IFNAR2: variants seen among roughly 807,000 people sequenced by gnomAD.
IFNAR2 encodes interferon alpha and beta receptor subunit 2.
IFNAR2 carries 30 observed loss-of-function variants against 49.4 expected under a neutral mutation model. The ratio of observed to expected loss-of-function variants is 0.61; its 90% CI spans 0.45 to 0.82. The LOEUF (loss-of-function observed/expected upper bound fraction) is 0.82, where lower values mean the gene tolerates loss of function less well. IFNAR2 is among the 40% of genes least tolerant of loss of function. The probability of loss-of-function intolerance (pLI) is 0.00; values close to 1 mark genes in which losing one functional copy is unlikely to be tolerated. For synonymous variants in IFNAR2, 224 were observed against 234.5 expected (o/e 0.96, Z 0.41); for missense variants, 600 against 622.7 (o/e 0.96, Z 0.39).
At chr21:33,254,427 T>C (rs1988072903) in intron 7 of IFNAR2, among the ~76,000 whole-genome samples, 2 of 152,194 alleles carry the variant, frequency 1.3e-5, no homozygotes, top group Admixed American at 1.3e-4. Context: ...TATTTTGAAA[T>C]GGCCCTGCAA....
chr21:33,232,401 A>G (rs1298384688), intron 1 of IFNAR2, among the ~76,000 whole-genome samples: 1 of 152,166 alleles, frequency 6.6e-6, no homozygotes, highest in Non-Finnish European at 1.5e-5. Context: ...AGAGGTATGT[A>G]TGATGGGGAG....
At chr21:33,253,315 T>C (rs959593889) in intron 7 of IFNAR2, among the ~76,000 whole-genome samples, 2 of 152,238 alleles carry the variant, frequency 1.3e-5, no homozygotes, top group Admixed American at 6.5e-5. Flanking sequence ...TGATGAAGGC[T>C]GAACACCTTT....
At chr21:33,243,876 T>A (rs757542434) in intron 3 of IFNAR2, among the ~76,000 whole-genome samples, 162 bp downstream of exon 3, 4 of 152,098 alleles carry the variant, frequency 2.6e-5, no homozygotes, top group Non-Finnish European at 4.4e-5. Flanking sequence ...ATGAGCTAAC[T>A]CTGGTTTTTT....
chr21:33,249,964 G>A (rs145388591), intron 6 of IFNAR2, among the ~76,000 whole-genome samples: 61 of 152,186 alleles, frequency 4.0e-4, no homozygotes, highest in Admixed American at 9.8e-4. Flanking sequence ...GAGTTTGTGG[G>A]TCTGGGTCTT....
intron 8 of IFNAR2, among the ~76,000 whole-genome samples, chr21:33,262,232 G>A (rs112558959): frequency 3.3e-5 from 5 of 152,022 alleles, no homozygotes; most frequent in South Asian, 2.1e-4. Flanking sequence ...GGGCATAGTG[G>A]CGGGCGCCTG....
At chr21:33,242,061 C>A in intron 2 of IFNAR2, 84 bp downstream of exon 2, 1 of 1,336,066 alleles carries the variant, frequency 7.5e-7, no homozygotes, top group Non-Finnish European at 1.0e-6. Flanking sequence ...AAGTCGCAAA[C>A]TCATTTCCCT....
At chr21:33,261,961 G>A (rs1282708318) in intron 8 of IFNAR2, among the ~76,000 whole-genome samples, 1 of 152,146 alleles carries the variant, frequency 6.6e-6, no homozygotes, top group Non-Finnish European at 1.5e-5. Context: ...TAGTCTATGT[G>A]GCCAGCAGCC....
chr21:33,257,469 T>A (rs1403479061), intron 7 of IFNAR2, among the ~76,000 whole-genome samples: 1 of 152,330 alleles, frequency 6.6e-6, no homozygotes, highest in East Asian at 1.9e-4. Flanking sequence ...CTTCCCGTGT[T>A]CGTTTCTGTC....
rs1294079652 is a variant in IFNAR2, at chr21:33,263,776, A to C, written c.*276A>C. 1.2e-5 allele frequency: 5 copies of C among 406,944 alleles called. No homozygotes were observed. The Admixed American group carries it at 2.1e-4, about 17-fold the overall frequency. The allele number at this position is 406,944 out of a possible 1,614,324, so 25.2% of individuals were successfully genotyped here. ...ACTAATGCACTTAGGATGTTTCTGC[A>C]TCATGTCTACCAGGGAGCAGGGTTC... On this transcript the variant is annotated 3_prime_UTR_variant, in exon 9 of 9. Transcript: ENST00000342136.
chr21:33,240,197 A>T (rs1176124559), intron 1 of IFNAR2, among the ~76,000 whole-genome samples: 1 of 152,212 alleles, frequency 6.6e-6, no homozygotes, highest in Non-Finnish European at 1.5e-5. Context: ...GCAAAGATGG[A>T]CCTTTTATAT....
At chr21:33,255,692 G>A (rs1208283837) in intron 7 of IFNAR2, among the ~76,000 whole-genome samples, 1 of 152,178 alleles carries the variant, frequency 6.6e-6, no homozygotes, top group African/African-American at 2.4e-5. Flanking sequence ...CATTATGTAT[G>A]TGTGATTGAT....
intron 7 of IFNAR2, among the ~76,000 whole-genome samples, chr21:33,256,659 T>A (rs1988227215): frequency 6.6e-6 from 1 of 152,214 alleles, no homozygotes; most frequent in Non-Finnish European, 1.5e-5. Context: ...TTATTAATAT[T>A]AAGGCCCTAA....
In IFNAR2 at chr21:33,262,960, C is replaced by G; in HGVS notation, c.1008C>G (p.Gly336=). ...TEAAPRTSGG[G]YTMHGLTVRP... ...CAGCGCCCAGGACAAGTGGCGGTGG[C>G]TATACCATGCATGGACTGACTGTCA... Residue 336 remains glycine (G), a synonymous_variant, in exon 9 of 9, where the codon GGC becomes GGG. Transcript: ENST00000342136. 6 of 1,614,162 alleles carry G rather than the reference C, an allele frequency of 3.7e-6. No homozygotes were observed. Among genetic ancestry groups the G allele is most frequent in the Non-Finnish European group, 5.1e-6 (6 of 1,180,012 alleles).
chr21:33,254,710 C>G (rs532188052), intron 7 of IFNAR2, among the ~76,000 whole-genome samples: 4 of 152,278 alleles, frequency 2.6e-5, no homozygotes, highest in African/African-American at 9.6e-5. Flanking sequence ...TACCTATGAC[C>G]TGGAAGCCCC....
In IFNAR2 at chr21:33,263,198, G is replaced by A. The variant is rs774460880; in HGVS notation, c.1246G>A (p.Gly416Arg). The change falls in exon 9 of 9, where the codon GGG becomes AGG. Residue 416 changes from glycine to arginine, a missense_variant. Gly to Arg is a moderately radical substitution (Grantham distance 125). Transcript: ENST00000342136. Reference protein sequence around the residue: ...FPEEDYSSTEGSGGRITFNVD... With the variant: ...FPEEDYSSTERSGGRITFNVD... ...CGAAGAGGACTACAGCTCCACGGAG[G>A]GGTCTGGGGGCAGAATTACCTTCAA... 1 of 1,614,208 alleles carries A rather than the reference G, an allele frequency of 6.2e-7. No homozygotes were observed. The highest frequency in any genetic ancestry group is 8.5e-7 in the Non-Finnish European group (1 of 1,180,036).
intron 4 of IFNAR2, 99 bp from the exon 5 acceptor site, chr21:33,246,619 G>A (rs964821249): frequency 2.4e-6 from 2 of 817,274 alleles, no homozygotes; most frequent in African/African-American, 3.4e-5. Flanking sequence ...TGATATTTGG[G>A]CAGAGCCCTA....
chr21:33,231,786 G>C, intron 1 of IFNAR2: 1 of 633,872 alleles, frequency 1.6e-6, no homozygotes, highest in Non-Finnish European at 2.0e-6. Context: ...CTGTCGCGCA[G>C]GCTGGAGTGC....
At chr21:33,233,443 C>G (rs1409199175) in intron 1 of IFNAR2, among the ~76,000 whole-genome samples, 1 of 152,088 alleles carries the variant, frequency 6.6e-6, no homozygotes, top group Non-Finnish European at 1.5e-5. Context: ...AAGGAACATG[C>G]CATGTTCCAG....
intron 7 of IFNAR2, 100 bp downstream of exon 7, chr21:33,252,930 C>T: frequency 3.1e-6 from 3 of 983,388 alleles, no homozygotes; most frequent in Non-Finnish European, 4.9e-6. Flanking sequence ...TCATGGAGCA[C>T]TAAAGGTCTT....
Sources: gnomAD v4.1 joint callset for allele counts (sites outside exome capture counted in the v4.1 genomes callset) on GRCh38, gnomAD v4.1.1 for gene constraint, MANE v1.5 for transcripts, NCBI Gene and HGNC (gene_info 2026-07-23, HGNC 2026-07-21) for gene names.